The following RNF150 variants were observed in gnomAD, a reference collection of about 807,000 sequenced individuals.
RNF150 encodes the protein ring finger protein 150.
A neutral mutation model predicts 39.3 loss-of-function variants in RNF150; 24 were observed. The ratio of observed to expected loss-of-function variants is 0.61; its 90% CI spans 0.44 to 0.86. The LOEUF (loss-of-function observed/expected upper bound fraction) is 0.86. Among genes scored for constraint, RNF150 ranks in the 40% least tolerant of loss-of-function variants. RNF150 has a pLI of 0.00. For synonymous variants in RNF150, 255 were observed against 227.3 expected (o/e 1.12, Z -1.10); for missense variants, 502 against 587.8 (o/e 0.85, Z 1.51).
intron 2 of RNF150, among the ~76,000 whole-genome samples, chr4:140,952,585 A>G (rs1056697185): frequency 6.6e-6 from 1 of 152,168 alleles, no homozygotes; most frequent in African/African-American, 2.4e-5. Context: ...GGCTGCCTTT[A>G]TTTTTTAAAA....
In RNF150 at chr4:141,064,665, CAT is replaced by C. The variant is rs559692385; in HGVS notation, c.484+67658_484+67659del. ...AAGATAATTATGTTTACACTGTACT[CAT>C]ATTAAAAACCACAGCAAAATAAAAG... is the stretch of plus-strand genomic sequence containing the variant. On this transcript the variant is annotated intron_variant, in intron 1 of 6. Transcript: ENST00000515673. Among the ~76,000 whole-genome samples the C allele has an allele frequency of 1.2e-4, 18 of 152,112 alleles. No homozygotes were observed. The East Asian group carries it at 3.3e-3, about 28-fold the overall frequency.
At chr4:141,004,079 A>T (rs576796245) in intron 1 of RNF150, among the ~76,000 whole-genome samples, 9 of 152,262 alleles carry the variant, frequency 5.9e-5, no homozygotes, top group Middle Eastern at 3.4e-3. Flanking sequence ...GTTTCAGTTC[A>T]CTCATTCAAG....
intron 1 of RNF150, among the ~76,000 whole-genome samples, chr4:141,196,105 C>T (rs1004434296): frequency 6.6e-6 from 1 of 152,130 alleles, no homozygotes; most frequent in East Asian, 1.9e-4. Context: ...ACAGGTAAAG[C>T]TTTCCTCTTG....
intron 1 of RNF150, among the ~76,000 whole-genome samples, chr4:141,101,424 A>AT (rs1739005638): frequency 6.6e-6 from 1 of 151,496 alleles, no homozygotes; most frequent in Non-Finnish European, 1.5e-5. Flanking sequence ...ATATTGTCCC[A>AT]TTGGAAGGTC....
intron 1 of RNF150, among the ~76,000 whole-genome samples, chr4:141,178,363 C>T (rs1727851393): frequency 6.6e-6 from 1 of 152,064 alleles, no homozygotes; most frequent in Admixed American, 6.6e-5. Context: ...TTTTTACATG[C>T]CTTGTGATGC....
intron 1 of RNF150, among the ~76,000 whole-genome samples, chr4:141,186,695 G>A (rs1373225696): frequency 6.6e-6 from 1 of 152,074 alleles, no homozygotes; most frequent in African/African-American, 2.4e-5. Context: ...ATGAGCCACT[G>A]CACCTGGCCA....
intron 1 of RNF150, among the ~76,000 whole-genome samples, chr4:141,060,568 A>G (rs543758114): frequency 6.6e-6 from 1 of 152,252 alleles, no homozygotes; most frequent in Admixed American, 6.5e-5. Context: ...AATTAAACAT[A>G]GATATCCAGG....
chr4:140,946,886 G>A (rs1199907734), intron 4 of RNF150, among the ~76,000 whole-genome samples: 1 of 152,078 alleles, frequency 6.6e-6, no homozygotes, highest in Non-Finnish European at 1.5e-5. Flanking sequence ...TTATTTTTGG[G>A]ACATTTACAC....
At chr4:141,131,382 A>C (rs1726888468) in intron 1 of RNF150, among the ~76,000 whole-genome samples, 1 of 152,246 alleles carries the variant, frequency 6.6e-6, no homozygotes, top group South Asian at 2.1e-4. Flanking sequence ...ACACAAATAC[A>C]AGCAGCAAGC....
intron 1 of RNF150, among the ~76,000 whole-genome samples, chr4:141,080,116 A>C (rs1738094026): frequency 6.6e-6 from 1 of 152,216 alleles, no homozygotes; most frequent in Non-Finnish European, 1.5e-5. Context: ...AAAAAGTAAA[A>C]AGTACTTGCT....
intron 5 of RNF150, among the ~76,000 whole-genome samples, chr4:140,919,624 T>C (rs917478971): frequency 2.0e-5 from 3 of 150,234 alleles, no homozygotes; most frequent in African/African-American, 7.4e-5. Flanking sequence ...AGGTAATTTA[T>C]AGATTCAATG....
At chr4:140,919,438 T>G (rs1450435935) in intron 5 of RNF150, among the ~76,000 whole-genome samples, 3 of 143,686 alleles carry the variant, frequency 2.1e-5, no homozygotes, top group Non-Finnish European at 4.6e-5. Flanking sequence ...CATTCACAAT[T>G]GCTTCAAAGA....
intron 1 of RNF150, among the ~76,000 whole-genome samples, chr4:141,064,647 T>G (rs1737382600): frequency 6.6e-6 from 1 of 152,000 alleles, no homozygotes; most frequent in Admixed American, 6.6e-5. Context: ...ATAAAGATAA[T>G]TATGTTTACA....
At chr4:141,097,927 A>C (rs1000358638) in intron 1 of RNF150, among the ~76,000 whole-genome samples, 1 of 152,150 alleles carries the variant, frequency 6.6e-6, no homozygotes, top group Admixed American at 6.6e-5. Context: ...TTTGAGACAA[A>C]TTCAACTAGT....
At chr4:141,165,552 A>T (rs1275868418) in intron 1 of RNF150, among the ~76,000 whole-genome samples, 9 of 152,186 alleles carry the variant, frequency 5.9e-5, no homozygotes, top group African/African-American at 2.2e-4. Flanking sequence ...TTGGAACTAA[A>T]ATGCTCCTCA....
At chr4:141,052,842 T>G (rs1466052299) in intron 1 of RNF150, among the ~76,000 whole-genome samples, 1 of 152,186 alleles carries the variant, frequency 6.6e-6, no homozygotes, top group Non-Finnish European at 1.5e-5. Context: ...AAAACTCACA[T>G]GCTTATCTGA....
chr4:141,116,069 G>A (rs1252915104), intron 1 of RNF150, among the ~76,000 whole-genome samples: 1 of 152,132 alleles, frequency 6.6e-6, no homozygotes, highest in South Asian at 2.1e-4. Flanking sequence ...TACTGTTCAG[G>A]ACATAGGCAT....
intron 1 of RNF150, among the ~76,000 whole-genome samples, chr4:141,189,634 T>A (rs1487972229): frequency 1.3e-5 from 2 of 152,116 alleles, no homozygotes; most frequent in Admixed American, 1.3e-4. Flanking sequence ...CTGGCCACAG[T>A]TGCTTTGCTG....
At position 140,865,316 on chromosome 4, in the gene RNF150, A is replaced by G. The variant is rs900836331; in HGVS notation, c.*2945T>C. 11 of 152,366 alleles carry G rather than the reference A, an allele frequency of 7.2e-5. No homozygotes were observed. Among genetic ancestry groups the G allele is most frequent in the Admixed American group, 7.2e-4 (11 of 15,282 alleles). 9.4% of individuals were successfully genotyped at this position (152,366 alleles called of 1,614,324 possible). A position where few individuals can be genotyped will look rare whatever the true frequency, so the allele number is the denominator to read the frequency against. On this transcript the variant is annotated 3_prime_UTR_variant, in exon 7 of 7. Transcript: ENST00000515673. ...ATTTAAAATTATGTCTGTGACTTGC[A>G]TTACGTTTCTGTTGGACAGTGCTAG...
Sources: allele counts gnomAD v4.1 joint callset (sites outside exome capture counted in the v4.1 genomes callset), GRCh38; gene constraint gnomAD v4.1.1; transcripts MANE v1.5; gene names NCBI Gene and HGNC (gene_info 2026-07-23, HGNC 2026-07-21).